PSMD6: variants seen among roughly 807,000 people sequenced by gnomAD.
PSMD6 encodes proteasome 26S subunit, non-ATPase 6.
PSMD6 carries 7 observed loss-of-function variants against 44.9 expected under a neutral mutation model. The observed-to-expected ratio is 0.16, with a 90% CI of 0.09 to 0.29. The LOEUF (loss-of-function observed/expected upper bound fraction) is 0.29, where lower values mean the gene tolerates loss of function less well. Ranked by LOEUF, PSMD6 falls within the 10% of genes least tolerant of loss-of-function variation. The probability of loss-of-function intolerance (pLI) is 1.00; values close to 1 mark genes in which losing one functional copy is unlikely to be tolerated. For missense variants in PSMD6, 420 were observed against 482.6 expected, an observed-to-expected ratio of 0.87 and a Z score of 1.21; for synonymous variants, 184 against 172.7, an observed-to-expected ratio of 1.07 and a Z score of -0.51.
At chr3:64,022,854 AACATAC>A (rs1290417291) in intron 1 of PSMD6, 2 of 1,529,820 alleles carry the variant, frequency 1.3e-6, no homozygotes, top group African/African-American at 2.7e-5. Context: ...CATATGTTCA[AACATAC>A]ACATTCACTA....
At chr3:64,017,802 CTATT>C (rs1166807211) in intron 5 of PSMD6, 1 of 152,192 alleles carries the variant, frequency 6.6e-6, no homozygotes, top group Non-Finnish European at 1.5e-5. Context: ...CCAAAGCTAT[CTATT>C]TAACCAAACA....
chr3:64,017,075 A>G (rs2076055598), intron 5 of PSMD6: 1 of 152,310 alleles, frequency 6.6e-6, no homozygotes, highest in Non-Finnish European at 1.5e-5. Context: ...TTATGACTGC[A>G]TTTAGATGAT....
intron 6 of PSMD6, chr3:64,011,849 A>C (rs1470246880): frequency 1.3e-5 from 2 of 152,388 alleles, no homozygotes; most frequent in Non-Finnish European, 2.9e-5. Context: ...TGGAAAAAGA[A>C]GCAAAGCCAA....
chr3:64,022,818 AC>A, intron 1 of PSMD6: 1 of 1,535,980 alleles, frequency 6.5e-7, no homozygotes, highest in South Asian at 1.2e-5. Context: ...ACAGGGAAAG[AC>A]TTTTTATACA....
chr3:64,023,171 C>A, intron 1 of PSMD6, 104 bp downstream of exon 1: 1 of 1,437,750 alleles, frequency 7.0e-7, no homozygotes, highest in Non-Finnish European at 9.1e-7. Context: ...TCTGAGACCC[C>A]GTCAGAGGGG....
chr3:64,019,657 A>T (rs1165691722), intron 2 of PSMD6: 3 of 460,652 alleles, frequency 6.5e-6, no homozygotes, highest in African/African-American at 6.1e-5. Flanking sequence ...AAAATACATA[A>T]GAAATGCCCA....
chr3:64,011,724 T>C (rs551351320), intron 6 of PSMD6: 1 of 152,302 alleles, frequency 6.6e-6, no homozygotes, highest in South Asian at 2.1e-4. Context: ...TGCATTCACT[T>C]GTCATCAAGA....
chr3:64,020,613 T>C (rs2076113888), intron 2 of PSMD6, among the ~76,000 whole-genome samples: 1 of 152,150 alleles, frequency 6.6e-6, no homozygotes, highest in Non-Finnish European at 1.5e-5. Context: ...AATGACCACG[T>C]CTTAAGTTTA....
At chr3:64,021,076 GA>G (rs879386896) in intron 2 of PSMD6, among the ~76,000 whole-genome samples, 66 of 142,936 alleles carry the variant, frequency 4.6e-4, no homozygotes, top group Middle Eastern at 3.7e-3. Flanking sequence ...AAAAAAAGAA[GA>G]AAAAAAAAAA....
chr3:64,017,361 A>G (rs1261919344), intron 5 of PSMD6: 1 of 152,000 alleles, frequency 6.6e-6, no homozygotes, highest in Non-Finnish European at 1.5e-5. Context: ...GAAGTAAGAG[A>G]TTTGTTCTGA....
chr3:64,022,616 T>A, intron 1 of PSMD6, 93 bp from the exon 2 acceptor site: 1 of 1,579,292 alleles, frequency 6.3e-7, no homozygotes, highest in Non-Finnish European at 8.6e-7. Context: ...CCGCCACAAG[T>A]CATCCACCAG....
chr3:64,014,201 T>G (rs1479667699), intron 5 of PSMD6: 1 of 152,136 alleles, frequency 6.6e-6, no homozygotes, highest in African/African-American at 2.4e-5. Flanking sequence ...GAAGAGATCC[T>G]TAGAAGACAG....
chr3:64,014,569 C>CA (rs2106851278), intron 5 of PSMD6: 1 of 152,256 alleles, frequency 6.6e-6, no homozygotes, highest in South Asian at 2.1e-4. Context: ...ATGCCAGACT[C>CA]AGAATGCAAG....
intron 5 of PSMD6, 140 bp downstream of exon 5, chr3:64,018,459 A>C: frequency 1.6e-6 from 1 of 622,602 alleles, no homozygotes; most frequent in Non-Finnish European, 2.8e-6. Flanking sequence ...AACTGGGCAC[A>C]TTAGGAATAC....
intron 6 of PSMD6, 83 bp from the exon 7 acceptor site, chr3:64,011,038 A>C: frequency 8.8e-7 from 1 of 1,134,046 alleles, no homozygotes; most frequent in South Asian, 1.4e-5. Flanking sequence ...TACTGTCTTA[A>C]ATTTGTAACA....
chr3:64,010,682 C>T lies in PSMD6; in HGVS notation c.1156G>A (p.Val386Ile). ...LLNRVQKLSRVINM is the reference protein window; with the variant it reads ...LLNRVQKLSRIINM ...GTTACATGGCTTTACATATTAATTA[C>T]TCTGGAAAGTTTTTGAACTCTGTTT... The change falls in exon 8 of 8, where the codon GTA (valine) becomes ATA (isoleucine). Residue 386 changes from valine to isoleucine, a missense_variant. Physicochemically the swap from Val to Ile is conservative, Grantham distance 29. This residue lies in a region of PSMD6 where 63 missense variants were observed against 112.1 expected (regional missense o/e 0.56). Coordinates refer to ENST00000295901, the MANE Select transcript of PSMD6 (RefSeq NM_014814.3). The T allele has an allele frequency of 6.3e-7, 1 of 1,594,958 alleles. No homozygotes were observed. The highest frequency in any genetic ancestry group is 8.6e-7 in the Non-Finnish European group (1 of 1,164,484).
At chr3:64,020,363 C>T (rs1350865469) in intron 2 of PSMD6, among the ~76,000 whole-genome samples, 1 of 151,910 alleles carries the variant, frequency 6.6e-6, no homozygotes, top group Admixed American at 6.6e-5. Flanking sequence ...AAAAGTTGTT[C>T]GTTTTGGAAG....
chr3:64,021,407 T>TA (rs930581121), intron 2 of PSMD6, among the ~76,000 whole-genome samples: 18 of 150,820 alleles, frequency 1.2e-4, no homozygotes, highest in South Asian at 4.2e-4. Flanking sequence ...CCTATGTACT[T>TA]AAAAAAAAAA....
intron 2 of PSMD6, chr3:64,019,982 C>G (rs1559677764): frequency 6.6e-6 from 1 of 152,216 alleles, no homozygotes; most frequent in Non-Finnish European, 1.5e-5. Context: ...TTATATTTCA[C>G]AAATTTATAA....
Sources: gnomAD v4.1 joint callset for allele counts (sites outside exome capture counted in the v4.1 genomes callset) on GRCh38, gnomAD v4.1.1 for gene constraint, gnomAD v4.1.1 regional missense constraint, MANE v1.5 for transcripts, NCBI Gene and HGNC (gene_info 2026-07-23, HGNC 2026-07-21) for gene names.